The following CKAP2L variants were observed in gnomAD, a reference collection of about 807,000 sequenced individuals.
CKAP2L encodes cytoskeleton associated protein 2L.
A neutral mutation model predicts 65.7 loss-of-function variants in CKAP2L; 42 were observed. The ratio of observed to expected loss-of-function variants is 0.64; its 90% CI spans 0.50 to 0.83. The LOEUF (loss-of-function observed/expected upper bound fraction) is 0.83. CKAP2L is among the 40% of genes least tolerant of loss of function. CKAP2L has a pLI of 0.00. For synonymous variants in CKAP2L, 325 were observed against 313.5 expected, an observed-to-expected ratio of 1.04 and a Z score of -0.39; for missense variants, 908 against 871.0, an observed-to-expected ratio of 1.04 and a Z score of -0.53.
At chr2:112,752,889 C>CAATAAGGT (rs1680418516) in intron 4 of CKAP2L, among the ~76,000 whole-genome samples, 1 of 152,188 alleles carries the variant, frequency 6.6e-6, no homozygotes, top group South Asian at 2.1e-4. Flanking sequence ...ATTCTACCCT[C>CAATAAGGT]AATAAGGTCT....
chr2:112,744,065 T>A (rs1249362407), intron 6 of CKAP2L, among the ~76,000 whole-genome samples: 1 of 152,222 alleles, frequency 6.6e-6, no homozygotes, highest in African/African-American at 2.4e-5. Flanking sequence ...TTCAGCTAAA[T>A]GAATGGGAAT....
chr2:112,764,188 A>G (rs1414645509), intron 1 of CKAP2L: 1 of 288,380 alleles, frequency 3.5e-6, no homozygotes, highest in African/African-American at 2.2e-5. Context: ...ACAGAGGACC[A>G]CGCCCGGCTC....
intron 7 of CKAP2L, chr2:112,742,281 G>A (rs1259137744): frequency 2.9e-6 from 2 of 681,470 alleles, no homozygotes; most frequent in East Asian, 2.7e-5. Flanking sequence ...ACCACTGACA[G>A]TGATGGTCAT....
At position 112,737,311 on chromosome 2, in the gene CKAP2L, T is replaced by C. The variant is rs953287915; in HGVS notation, c.*1512A>G. 3.3e-5 allele frequency: 5 copies of C among 151,752 alleles called. No individual in the cohort carries two copies. Among genetic ancestry groups the C allele is most frequent in the African/African-American group, 1.2e-4 (5 of 41,288 alleles). The allele number at this position is 151,752 out of a possible 1,614,324, so 9.4% of individuals were successfully genotyped here. ...TTCTTTAGGAGCCTCCATACCGTTT[T>C]CCATAACGGCTGCCCCAGTCTACAC... On this transcript the variant is annotated 3_prime_UTR_variant, in exon 9 of 9. Coordinates refer to ENST00000302450, the MANE Select transcript of CKAP2L (RefSeq NM_152515.5).
intron 3 of CKAP2L, among the ~76,000 whole-genome samples, chr2:112,760,028 A>C (rs937295248): frequency 6.6e-6 from 1 of 152,210 alleles, no homozygotes; most frequent in African/African-American, 2.4e-5. Flanking sequence ...TGTTTTAGTT[A>C]CATTTCAGAA....
At chr2:112,755,888 T>C (rs1680516788) in intron 4 of CKAP2L, 89 bp downstream of exon 4, 1 of 1,267,132 alleles carries the variant, frequency 7.9e-7, no homozygotes, top group Non-Finnish European at 1.1e-6. Context: ...GGAGCCATTA[T>C]TTATGGCCTA....
At chr2:112,759,244 CA>C (rs11448204) in intron 3 of CKAP2L, among the ~76,000 whole-genome samples, 1 of 151,894 alleles carries the variant, frequency 6.6e-6, no homozygotes, top group African/African-American at 2.4e-5. Flanking sequence ...TTTTTACTCT[CA>C]AAGTGTCCTG....
At chr2:112,753,110 C>T (rs1353133364) in intron 4 of CKAP2L, among the ~76,000 whole-genome samples, 1 of 152,184 alleles carries the variant, frequency 6.6e-6, no homozygotes, top group African/African-American at 2.4e-5. Flanking sequence ...ATATAGACCT[C>T]ATGTTTGGAT....
At chr2:112,759,102 C>CT (rs1680633046) in intron 3 of CKAP2L, among the ~76,000 whole-genome samples, 1 of 152,070 alleles carries the variant, frequency 6.6e-6, no homozygotes, top group African/African-American at 2.4e-5. Flanking sequence ...TTAAAATTAA[C>CT]TTTTTTAGAG....
At chr2:112,760,803 G>C (rs1391165216) in intron 2 of CKAP2L, 39 bp from the exon 3 acceptor site, 2 of 1,089,278 alleles carry the variant, frequency 1.8e-6, no homozygotes, top group Non-Finnish European at 2.7e-6. Context: ...CAGCACAGAA[G>C]GATTCTAAGC....
chr2:112,759,463 CT>C (rs985575831), intron 3 of CKAP2L, among the ~76,000 whole-genome samples: 14 of 152,120 alleles, frequency 9.2e-5, no homozygotes, highest in African/African-American at 3.4e-4. Flanking sequence ...CCTGAGTTCA[CT>C]TTTTACTTTT....
intron 5 of CKAP2L, among the ~76,000 whole-genome samples, chr2:112,747,479 C>A (rs72952109): frequency 1.4e-4 from 21 of 151,974 alleles, no homozygotes; most frequent in Non-Finnish European, 3.1e-4. Context: ...CACAGGCATG[C>A]GAAGGTCATA....
intron 5 of CKAP2L, among the ~76,000 whole-genome samples, chr2:112,751,841 T>C (rs973855031): frequency 6.6e-6 from 1 of 152,182 alleles, no homozygotes; most frequent in Non-Finnish European, 1.5e-5. Flanking sequence ...TAAATACTAT[T>C]TGTAGCTACC....
intron 4 of CKAP2L, among the ~76,000 whole-genome samples, chr2:112,755,301 T>C (rs1353104007): frequency 6.6e-6 from 1 of 152,152 alleles, no homozygotes; most frequent in Non-Finnish European, 1.5e-5. Context: ...TTTCCACGCC[T>C]GGCTAATTTT....
Position 112,738,198 on chromosome 2 carries a change from T to C in CKAP2L, c.*625A>G, listed in dbSNP as rs2104833001. Reference sequence around the variant, plus strand: ...CAAAACTAGGTTTGAATATAAAAGCTAGACGACCATGCCAATTCAGGATTG... The same window carrying C: ...CAAAACTAGGTTTGAATATAAAAGCCAGACGACCATGCCAATTCAGGATTG... On this transcript the variant is annotated 3_prime_UTR_variant, in exon 9 of 9. Transcript: ENST00000302450. The C allele has an allele frequency of 6.6e-6, 1 of 152,330 alleles. No individual in the cohort carries two copies. The highest frequency in any genetic ancestry group is 2.4e-5 in the African/African-American group (1 of 41,542). 9.4% of individuals were successfully genotyped at this position (152,330 alleles called of 1,614,324 possible).
At chr2:112,746,005 C>T (rs72952108) in intron 6 of CKAP2L, among the ~76,000 whole-genome samples, 4,997 of 152,244 alleles carry the variant, frequency 0.033, 277 homozygotes, top group African/African-American at 0.11. Flanking sequence ...AGAGGTCTTA[C>T]TGAACGAAAC....
intron 5 of CKAP2L, 75 bp from the exon 6 acceptor site, chr2:112,746,650 C>T: frequency 1.8e-6 from 2 of 1,142,632 alleles, no homozygotes; most frequent in Non-Finnish European, 1.2e-6. Context: ...ATATTTATTA[C>T]AGCAGGTATG....
chr2:112,749,251 T>C (rs1680296023), intron 5 of CKAP2L, among the ~76,000 whole-genome samples: 1 of 152,002 alleles, frequency 6.6e-6, no homozygotes, highest in Non-Finnish European at 1.5e-5. Flanking sequence ...AGACATATTC[T>C]AACAACAAAA....
At chr2:112,757,357 G>C in intron 3 of CKAP2L, 143 bp from the exon 4 acceptor site, 94 of 343,630 alleles carry the variant, frequency 2.7e-4, no homozygotes, top group East Asian at 8.8e-4. Flanking sequence ...AGAAAGTAAA[G>C]AAAGACTCAC....
Sources: gnomAD v4.1 joint callset for allele counts (sites outside exome capture counted in the v4.1 genomes callset) on GRCh38, gnomAD v4.1.1 for gene constraint, MANE v1.5 for transcripts, NCBI Gene and HGNC (gene_info 2026-07-23, HGNC 2026-07-21) for gene names.